Variants in SYNE2 observed in about 807,000 individuals in gnomAD.
The protein encoded by SYNE2 is spectrin repeat containing nuclear envelope protein 2, also known as nesprin-2.
SYNE2 carries 431 observed loss-of-function variants against 856.3 expected under a neutral mutation model. The observed-to-expected ratio is 0.50, with a 90% CI of 0.47 to 0.55. SYNE2 has a LOEUF of 0.55. Among genes scored for constraint, SYNE2 ranks in the 20% least tolerant of loss-of-function variants. SYNE2 has a pLI of 0.00. For synonymous variants in SYNE2, 2,923 were observed against 2,872.3 expected, an observed-to-expected ratio of 1.02 and a Z score of -0.56; for missense variants, 8,129 against 8,023.2, an observed-to-expected ratio of 1.01 and a Z score of -0.50.
intron 101 of SYNE2, 128 bp downstream of exon 101, chr14:64,209,073 C>A: frequency 8.5e-7 from 1 of 1,182,924 alleles, no homozygotes; most frequent in Non-Finnish European, 1.2e-6. Context: ...GCAGAGAAGG[C>A]CCAACGCTTA....
chr14:64,219,239 A>T lies in SYNE2; in HGVS notation c.19689A>T (p.Ala6563=). 1 of 1,613,912 alleles carries T rather than the reference A, an allele frequency of 6.2e-7. No homozygotes were observed. Among genetic ancestry groups the T allele is most frequent in the Non-Finnish European group, 8.5e-7 (1 of 1,180,002 alleles). ...TCGACAGATGGGAGATGATTCAAGC[A>T]CAGGAGCTTCACAATAAGCTCAAAA... ...GAFDRWEMIQ[A]QELHNKLKIK... is the part of the protein sequence containing the mutation. The change falls in exon 110 of 116, where the codon GCA becomes GCT. Residue 6563 remains alanine (A), a synonymous_variant. Transcript: ENST00000555002.
At chr14:64,123,727 ACAAATCAAGATG>A (rs2097915293) in intron 70 of SYNE2, among the ~76,000 whole-genome samples, 1 of 152,216 alleles carries the variant, frequency 6.6e-6, no homozygotes, top group African/African-American at 2.4e-5. Context: ...CTTTTCAATA[ACAAATCAAGATG>A]CAAACCCATC....
intron 99 of SYNE2, among the ~76,000 whole-genome samples, chr14:64,194,225 T>C (rs2098530816): frequency 6.6e-6 from 1 of 152,222 alleles, no homozygotes; most frequent in African/African-American, 2.4e-5. Context: ...GCTACTACGT[T>C]CATTTGTCAA....
At chr14:64,038,527 G>A (rs1177989427) in intron 45 of SYNE2, among the ~76,000 whole-genome samples, 2 of 152,208 alleles carry the variant, frequency 1.3e-5, no homozygotes, top group Non-Finnish European at 2.9e-5. Context: ...CCGAGATCAC[G>A]CCACTGCACT....
At chr14:63,817,069 C>G (rs1174225312) in intron 1 of SYNE2, among the ~76,000 whole-genome samples, 1 of 152,132 alleles carries the variant, frequency 6.6e-6, no homozygotes, top group East Asian at 1.9e-4. Flanking sequence ...ATTTCAGATC[C>G]TGCCTTTTCT....
intron 1 of SYNE2, among the ~76,000 whole-genome samples, chr14:63,906,607 G>T (rs2095412981): frequency 6.6e-6 from 1 of 152,118 alleles, no homozygotes; most frequent in Admixed American, 6.5e-5. Flanking sequence ...TAGAGTTGTT[G>T]TAGTGGATCT....
In SYNE2 at chr14:64,168,877, A is replaced by T; in HGVS notation, c.16906A>T (p.Met5636Leu). Residue 5636 changes from methionine (M) to leucine (L), a missense_variant and splice_region_variant, in exon 93 of 116, where the codon ATG becomes TTG. Met to Leu is a conservative substitution (Grantham distance 15). Around this residue, in one of 3 missense-constraint regions of SYNE2, gnomAD observed 5,410 missense variants for 5,284.8 expected, o/e 1.02. Coordinates refer to ENST00000555002, the MANE Select transcript of SYNE2 (RefSeq NM_182914.3). Reference protein sequence around the residue: ...ELLEQQKTYKMLEAEVSINQT... With the variant: ...ELLEQQKTYKLLEAEVSINQT... ...ATTTTCTGCTTGGACTCATATACAGATGTTAGAAGCTGAAGTTTCTATAAA... is the reference window on the plus strand; with the variant it reads ...ATTTTCTGCTTGGACTCATATACAGTTGTTAGAAGCTGAAGTTTCTATAAA... 6.2e-7 allele frequency: 1 copy of T among 1,608,724 alleles called. No individual in the cohort carries two copies. The highest frequency in any genetic ancestry group is 8.5e-7 in the Non-Finnish European group (1 of 1,175,222).
chr14:64,119,220 T>C (rs2097879057), intron 66 of SYNE2, among the ~76,000 whole-genome samples: 1 of 152,198 alleles, frequency 6.6e-6, no homozygotes, highest in South Asian at 2.1e-4. Flanking sequence ...CAGAGTGACA[T>C]GTGTAATTGG....
In SYNE2 at chr14:64,152,688, T is replaced by G; in HGVS notation, c.15764T>G (p.Phe5255Cys). The change falls in exon 85 of 116, where the codon TTT becomes TGT. Residue 5255 changes from phenylalanine (F) to cysteine (C), a missense_variant. This residue lies in a region of SYNE2 where 5,410 missense variants were observed against 5,284.8 expected (regional missense o/e 1.02). Transcript: ENST00000555002. ...ACAGCATCCCGAATTGATGAGTTAT[T>G]TCAAAAGAGAAGCAGTGTTCTCACT... ...EDTASRIDEL[F>C]QKRSSVLTQV... 1 of 1,614,140 alleles carries G rather than the reference T, an allele frequency of 6.2e-7. No homozygotes were observed. Among genetic ancestry groups the G allele is most frequent in the Non-Finnish European group, 8.5e-7 (1 of 1,179,996 alleles).
At chr14:64,084,925 G>A (rs571079490) in intron 57 of SYNE2, 47 of 701,824 alleles carry the variant, frequency 6.7e-5, no homozygotes, top group African/African-American at 3.7e-4. Context: ...GCTCATTCCC[G>A]TGGCTGTTGA....
At chr14:63,873,713 C>A (rs2094644499) in intron 1 of SYNE2, 2 of 152,232 alleles carry the variant, frequency 1.3e-5, no homozygotes, top group South Asian at 4.1e-4. Context: ...TGTAAGAAAT[C>A]ATAAGATTCT....
At chr14:64,161,435 A>C (rs577605871) in intron 87 of SYNE2, among the ~76,000 whole-genome samples, 3 of 152,340 alleles carry the variant, frequency 2.0e-5, no homozygotes, top group African/African-American at 7.2e-5. Flanking sequence ...CTTCTATGTA[A>C]GGAACATTTG....
chr14:64,209,087 A>C (rs1001268111), intron 101 of SYNE2, 142 bp downstream of exon 101: 1 of 1,123,684 alleles, frequency 8.9e-7, no homozygotes. Flanking sequence ...ACGCTTATCA[A>C]AGGATTTATT....
chr14:63,816,518 C>T (rs1889001390), intron 1 of SYNE2, among the ~76,000 whole-genome samples: 1 of 152,072 alleles, frequency 6.6e-6, no homozygotes, highest in Non-Finnish European at 1.5e-5. Context: ...GTCACTCTCA[C>T]CCTCCTCCCA....
Position 64,140,048 on chromosome 14 carries a change from T to G in SYNE2, c.14951T>G (p.Ile4984Ser). The change falls in exon 80 of 116, where the codon ATC becomes AGC. Residue 4984 changes from isoleucine (I) to serine (S), a missense_variant. Physicochemically the swap from Ile to Ser is moderately radical, Grantham distance 142. Coordinates refer to ENST00000555002, the MANE Select transcript of SYNE2 (RefSeq NM_182914.3). ...AATGTGTCTCAGGACTTGGATACAA[T>G]CAGAAGCAACATCAACAATTTTTTT... ...SLNVSQDLDT[I>S]RSNINNFFEF... 1 of 1,613,888 alleles carries G rather than the reference T, an allele frequency of 6.2e-7. No individual in the cohort carries two copies. Among genetic ancestry groups the G allele is most frequent in the Non-Finnish European group, 8.5e-7 (1 of 1,179,970 alleles).
intron 8 of SYNE2, among the ~76,000 whole-genome samples, chr14:63,958,627 TC>T (rs1311618342): frequency 6.6e-6 from 1 of 152,168 alleles, no homozygotes; most frequent in Non-Finnish European, 1.5e-5. Context: ...GTTACTCTTT[TC>T]TCCCCCTTCT....
At chr14:63,896,239 G>A (rs1280121029) in intron 1 of SYNE2, among the ~76,000 whole-genome samples, 1 of 152,194 alleles carries the variant, frequency 6.6e-6, no homozygotes, top group Non-Finnish European at 1.5e-5. Flanking sequence ...CTCATAAAAG[G>A]AACACTGGTT....
intron 45 of SYNE2, among the ~76,000 whole-genome samples, chr14:64,032,578 G>A (rs1332918388): frequency 1.3e-5 from 2 of 151,900 alleles, no homozygotes; most frequent in Middle Eastern, 3.4e-3. Context: ...TGTTGTTGTT[G>A]TTGTTGTTGT....
At chr14:63,853,378 C>T (rs1483904036) in intron 1 of SYNE2, among the ~76,000 whole-genome samples, 2 of 151,712 alleles carry the variant, frequency 1.3e-5, no homozygotes, top group African/African-American at 2.4e-5. Flanking sequence ...CGGGGCGCTC[C>T]GGGGATTGGA....
Sources: allele counts gnomAD v4.1 joint callset (sites outside exome capture counted in the v4.1 genomes callset), GRCh38; gene constraint gnomAD v4.1.1; regional missense constraint gnomAD v4.1.1; transcripts MANE v1.5; gene names NCBI Gene and HGNC (gene_info 2026-07-23, HGNC 2026-07-21).